USP42: variants seen among roughly 807,000 people sequenced by gnomAD.
The protein encoded by USP42 is ubiquitin specific peptidase 42.
USP42 carries 23 observed loss-of-function variants against 113.0 expected under a neutral mutation model. The ratio of observed to expected loss-of-function variants is 0.20; its 90% confidence interval spans 0.15 to 0.29. USP42 has a LOEUF of 0.29. Among genes scored for constraint, USP42 ranks in the 10% least tolerant of loss-of-function variants. The probability of loss-of-function intolerance (pLI) is 1.00; values close to 1 mark genes in which losing one functional copy is unlikely to be tolerated. For missense variants in USP42, 2,174 were observed against 1,779.8 expected (o/e 1.22, Z -3.99); for synonymous variants, 933 against 699.0 (o/e 1.33, Z -5.28).
intron 5 of USP42, 56 bp from the exon 6 acceptor site, chr7:6,140,072 A>G (rs777797383): frequency 2.0e-6 from 3 of 1,482,632 alleles, no homozygotes; most frequent in Admixed American, 1.7e-5. Flanking sequence ...ATCTGGTCAC[A>G]GCATCTGGAG....
Position 6,147,720 on chromosome 7 carries a change from T to A in USP42, c.1233-19T>A, listed in dbSNP as rs781608181. 1 of 1,561,960 alleles carries A rather than the reference T, an allele frequency of 6.4e-7. No homozygotes were observed. The highest frequency in any genetic ancestry group is 8.7e-7 in the Non-Finnish European group (1 of 1,146,542). On this transcript the variant is annotated intron_variant, in intron 11 of 17. Coordinates refer to ENST00000306177, the MANE Select transcript of USP42 (RefSeq NM_032172.3). ...GAGGTGTCCTGTGTCACCCTAAGTA[T>A]CGCTCTCCTTGTTTCCAGGTCCCAT...
intron 4 of USP42, among the ~76,000 whole-genome samples, chr7:6,137,040 T>C (rs898848104): frequency 1.3e-5 from 2 of 152,238 alleles, no homozygotes; most frequent in Non-Finnish European, 2.9e-5. Flanking sequence ...GGTAAGTGCA[T>C]GAAATTTTCT....
At chr7:6,087,824 A>C in the USP42 span, among the ~76,000 whole-genome samples, 1 of 151,132 alleles carries the variant, frequency 6.6e-6, no homozygotes, top group African/African-American at 2.5e-5. Context: ...TCCCCAGAGG[A>C]ACATATGTTT....
chr7:6,103,492 G>A (rs1425893712), upstream of USP42, among the ~76,000 whole-genome samples: 1 of 149,086 alleles, frequency 6.7e-6, no homozygotes, highest in East Asian at 2.0e-4. Context: ...ACTCCAGCCT[G>A]GGCCATAAGA....
chr7:6,107,589 A>C (rs1005672720), intron 1 of USP42, among the ~76,000 whole-genome samples: 1 of 151,670 alleles, frequency 6.6e-6, no homozygotes, highest in Non-Finnish European at 1.5e-5. Context: ...TTGTATTTTT[A>C]GTAGAGACGG....
rs1015489959 is a variant in USP42, at chr7:6,160,981, C to A, written c.*463C>A. On this transcript the variant is annotated 3_prime_UTR_variant, in exon 18 of 18. Transcript: ENST00000306177. ...TATTTAAAAACTCACAAGCTCTCAC[C>A]TAGACTTTGGAGAGCAGTCTGTTTT... is the stretch of plus-strand genomic sequence containing the variant. 6.6e-6 allele frequency: 1 copy of A among 152,642 alleles called. No individual in the cohort carries two copies. Among genetic ancestry groups the A allele is most frequent in the Non-Finnish European group, 1.5e-5 (1 of 68,046 alleles). The allele number at this position is 152,642 out of a possible 1,614,324, so 9.5% of individuals were successfully genotyped here.
intron 15 of USP42, 79 bp from the exon 16 acceptor site, chr7:6,156,675 G>GT: frequency 6.9e-7 from 1 of 1,454,228 alleles, no homozygotes; most frequent in Non-Finnish European, 9.0e-7. Context: ...CGGTGAATGG[G>GT]TGGAAAGGCC....
At chr7:6,109,340 ATGT>A (rs1328684665) in intron 1 of USP42, among the ~76,000 whole-genome samples, 2 of 151,990 alleles carry the variant, frequency 1.3e-5, no homozygotes, top group African/African-American at 2.4e-5. Context: ...AGACATTAAG[ATGT>A]TGTGCTGTGG....
At chr7:6,120,042 T>A (rs1399176164) in intron 3 of USP42, among the ~76,000 whole-genome samples, 1 of 152,230 alleles carries the variant, frequency 6.6e-6, no homozygotes, top group Non-Finnish European at 1.5e-5. Context: ...CTCGGCTCAC[T>A]GCAACCTACG....
Position 6,157,270 on chromosome 7 carries a change from G to A in USP42, c.3943+215G>A. ...CCCTTAGCGTTTATTGAAGGCCTAA[G>A]TGACACAGGACTGAGGGCAGCACTA... On this transcript the variant is annotated intron_variant, in intron 16 of 17. Coordinates refer to ENST00000306177, the MANE Select transcript of USP42 (RefSeq NM_032172.3). The surrounding 1 kb of genome is among the most constrained non-coding windows in gnomAD (Gnocchi z 4.1). 1 of 1,315,124 alleles carries A rather than the reference G, an allele frequency of 7.6e-7. No individual in the cohort carries two copies. Among genetic ancestry groups the A allele is most frequent in the East Asian group, 3.2e-5 (1 of 30,866 alleles). 81.5% of individuals were successfully genotyped at this position (1,315,124 alleles called of 1,614,324 possible).
chr7:6,152,591 T>TC (rs950141265), intron 14 of USP42, among the ~76,000 whole-genome samples: 3 of 152,108 alleles, frequency 2.0e-5, no homozygotes, highest in Admixed American at 6.5e-5. Flanking sequence ...CAGGGAACAC[T>TC]CATTCCCAAC....
intron 5 of USP42, 84 bp from the exon 6 acceptor site, chr7:6,140,044 A>G: frequency 8.3e-7 from 1 of 1,211,658 alleles, no homozygotes; most frequent in Non-Finnish European, 1.2e-6. Flanking sequence ...ATCTTTTGTG[A>G]GCTCCCATGT....
chr7:6,154,732 C>A lies in USP42; in HGVS notation c.3178C>A (p.Arg1060=). 1 of 1,584,008 alleles carries A rather than the reference C, an allele frequency of 6.3e-7. No individual in the cohort carries two copies. Among genetic ancestry groups the A allele is most frequent in the East Asian group, 2.3e-5 (1 of 43,144 alleles). ...YPDRPRWDRC[R]YYHDRYALYA... ...CGACAGGCCGCGCTGGGACAGGTGC[C>A]GGTACTACCATGACAGGTACGCCCT... is the stretch of plus-strand genomic sequence containing the variant. Residue 1060 remains arginine (R), a synonymous_variant, in exon 15 of 18, where the codon CGG becomes AGG. Coordinates refer to ENST00000306177, the MANE Select transcript of USP42 (RefSeq NM_032172.3).
At position 6,153,974 on chromosome 7, in the gene USP42, A is replaced by G. The variant is rs772966312; in HGVS notation, c.2420A>G (p.Glu807Gly). 40 of 1,595,860 alleles carry G rather than the reference A, an allele frequency of 2.5e-5. No homozygotes were observed. The highest frequency in any genetic ancestry group is 3.4e-5 in the Non-Finnish European group (40 of 1,173,606). ...APEEPPPSAG[E>G]DIVGDTAPPD... ...GAGGAGCCTCCGCCCAGCGCCGGCGAGGACATCGTGGGGGACACAGCACCC... is the reference window on the plus strand; with the variant it reads ...GAGGAGCCTCCGCCCAGCGCCGGCGGGGACATCGTGGGGGACACAGCACCC... The change falls in exon 15 of 18, where the codon GAG (glutamate) becomes GGG (glycine). Residue 807 changes from glutamate (E) to glycine (G), a missense_variant. Coordinates refer to ENST00000306177, the MANE Select transcript of USP42 (RefSeq NM_032172.3).
At chr7:6,121,269 G>A (rs1780213020) in intron 3 of USP42, among the ~76,000 whole-genome samples, 1 of 152,114 alleles carries the variant, frequency 6.6e-6, no homozygotes, top group Admixed American at 6.6e-5. Context: ...TAAGTATGGT[G>A]TTGTAGGTTT....
At chr7:6,090,921 T>C in the USP42 span, among the ~76,000 whole-genome samples, 1 of 150,492 alleles carries the variant, frequency 6.6e-6, no homozygotes, top group Non-Finnish European at 1.5e-5. Context: ...ATTATGTATT[T>C]ATCCTGTCAG....
chr7:6,149,695 C>T lies in USP42; in HGVS notation c.1499C>T (p.Ala500Val). The T allele has an allele frequency of 6.2e-7, 1 of 1,613,996 alleles. No homozygotes were observed. Among genetic ancestry groups the T allele is most frequent in the East Asian group, 2.2e-5 (1 of 44,880 alleles). Residue 500 changes from alanine to valine, a missense_variant, in exon 13 of 18, where the codon GCT becomes GTT. Transcript: ENST00000306177. ...VNRASPVNAS[A>V]SVQNWSVNRS... The stretch of plus-strand genomic sequence containing the variant: ...AGGGCTAGTCCTGTTAATGCTTCAG[C>T]TTCTGTCCAAAACTGGTCAGTTAAT...
At chr7:6,131,817 C>T (rs1780867430) in intron 3 of USP42, among the ~76,000 whole-genome samples, 1 of 152,150 alleles carries the variant, frequency 6.6e-6, no homozygotes, top group South Asian at 2.1e-4. Flanking sequence ...ACACAATGGT[C>T]AGGATTTGTT....
Position 6,106,260 on chromosome 7 carries a change from G to T in USP42, c.-10+1228G>T, listed in dbSNP as rs115460067. ...CGAAGGTTTTGTCTTTTTAAAGCGT[G>T]TGTGTTTTCTCTTATAACGGAAATG... On this transcript the variant is annotated intron_variant, in intron 1 of 17. Coordinates refer to ENST00000306177, the MANE Select transcript of USP42 (RefSeq NM_032172.3). Among the ~76,000 whole-genome samples, 933 of 152,302 alleles carry T rather than the reference G, an allele frequency of 6.1e-3. 8 individuals are homozygous for T. The highest frequency in any genetic ancestry group is 0.022 in the African/African-American group (895 of 41,548).
Sources: allele counts gnomAD v4.1 joint callset (sites outside exome capture counted in the v4.1 genomes callset), GRCh38; gene constraint gnomAD v4.1.1; non-coding constraint Gnocchi (gnomAD v3.1); transcripts MANE v1.5; gene names NCBI Gene and HGNC (gene_info 2026-07-23, HGNC 2026-07-21).